KSR2: variants seen among roughly 807,000 people sequenced by gnomAD.
KSR2 encodes the protein kinase suppressor of ras 2.
In KSR2, 25 loss-of-function variants were observed where a neutral mutation model predicts 107.8. That is an observed-to-expected ratio of 0.23 (90% CI 0.17 to 0.32). KSR2 has a LOEUF of 0.32. KSR2 is among the 10% of genes least tolerant of loss of function. The probability of loss-of-function intolerance (pLI) is 1.00; values close to 1 mark genes in which losing one functional copy is unlikely to be tolerated. For missense variants in KSR2, 887 were observed against 1,268.9 expected, an observed-to-expected ratio of 0.70 and a Z score of 4.57; for synonymous variants, 480 against 507.0, an observed-to-expected ratio of 0.95 and a Z score of 0.71.
In KSR2 at chr12:117,966,859, G is replaced by A. The variant is rs139104211; in HGVS notation, c.180+1217C>T. Among the ~76,000 whole-genome samples, 327 of 152,180 alleles carry A rather than the reference G, an allele frequency of 2.1e-3. 10 individuals carry two copies. In the East Asian group the frequency reaches 0.056, roughly 26 times the overall value. ...GCCACAAGATTCACTACGGACTGAC[G>A]AGTTCAGGCCTTGGGAACTCATGTG... On this transcript the variant is annotated intron_variant, in intron 1 of 19. Coordinates refer to ENST00000339824, the MANE Select transcript of KSR2 (RefSeq NM_173598.6).
rs568966145 is a variant in KSR2 at position 117,622,921 on chromosome 12, A to G, written c.1172-40562T>C. Among the ~76,000 whole-genome samples the G allele has an allele frequency of 2.6e-5, 4 of 152,300 alleles. No homozygotes were observed. In the East Asian group the frequency reaches 7.7e-4, roughly 29 times the overall value. On this transcript the variant is annotated intron_variant, in intron 5 of 19. Transcript: ENST00000339824. Reference sequence around the variant, plus strand: ...ATTGTTGGGTCTGGGAGAAAGACAAATAGCCCTAAAATTATAGCATATTGA... The same window carrying G: ...ATTGTTGGGTCTGGGAGAAAGACAAGTAGCCCTAAAATTATAGCATATTGA...
At chr12:117,524,229 A>AT (rs1874956207) in intron 14 of KSR2, among the ~76,000 whole-genome samples, 1 of 152,210 alleles carries the variant, frequency 6.6e-6, no homozygotes, top group Non-Finnish European at 1.5e-5. Context: ...ATTTAGTTGA[A>AT]TATACTCATT....
intron 17 of KSR2, among the ~76,000 whole-genome samples, chr12:117,474,353 C>T (rs1251454869): frequency 6.6e-6 from 1 of 152,052 alleles, no homozygotes; most frequent in Non-Finnish European, 1.5e-5. Context: ...ATAATCAGGC[C>T]AACTGACATC....
At chr12:117,946,888 G>A (rs1896194640) in intron 1 of KSR2, among the ~76,000 whole-genome samples, 1 of 152,042 alleles carries the variant, frequency 6.6e-6, no homozygotes, top group South Asian at 2.1e-4. Context: ...AAATGGGCCA[G>A]GTGCAGTGGC....
intron 14 of KSR2, among the ~76,000 whole-genome samples, chr12:117,486,453 A>G (rs1031834463): frequency 6.6e-6 from 1 of 152,200 alleles, no homozygotes; most frequent in Non-Finnish European, 1.5e-5. Context: ...TGAATTCTAG[A>G]TTCATCATAG....
intron 4 of KSR2, among the ~76,000 whole-genome samples, chr12:117,740,781 A>G (rs1888191688): frequency 6.6e-6 from 1 of 151,780 alleles, no homozygotes; most frequent in East Asian, 1.9e-4. Flanking sequence ...ATAAACATAC[A>G]TGTGCAAGTA....
chr12:117,833,516 C>T (rs1326745331), intron 3 of KSR2, among the ~76,000 whole-genome samples: 1 of 152,124 alleles, frequency 6.6e-6, no homozygotes, highest in Non-Finnish European at 1.5e-5. Flanking sequence ...GCACACACGA[C>T]CAAGCCCAGC....
intron 3 of KSR2, among the ~76,000 whole-genome samples, chr12:117,812,687 T>C (rs1351215244): frequency 3.3e-5 from 5 of 152,036 alleles, no homozygotes; most frequent in Admixed American, 2.0e-4. Flanking sequence ...CCCATGTTCA[T>C]AGAATGGAAA....
chr12:117,910,657 A>G (rs950754608), intron 1 of KSR2, among the ~76,000 whole-genome samples: 1 of 152,228 alleles, frequency 6.6e-6, no homozygotes, highest in Admixed American at 6.5e-5. Flanking sequence ...TTGGAATAGC[A>G]GGGCCAGGCA....
intron 5 of KSR2, among the ~76,000 whole-genome samples, chr12:117,587,841 T>TG (rs1350931145): frequency 3.3e-5 from 5 of 152,204 alleles, no homozygotes; most frequent in African/African-American, 4.8e-5. Flanking sequence ...GACGCTGTGC[T>TG]GGGCAGTATG....
chr12:117,548,012 G>A (rs868256606), intron 9 of KSR2, among the ~76,000 whole-genome samples: 6 of 152,084 alleles, frequency 3.9e-5, no homozygotes, highest in East Asian at 1.9e-4. Flanking sequence ...CAGGAGAATC[G>A]CTTGAACCCG....
At chr12:117,935,391 C>G (rs532250741) in intron 1 of KSR2, among the ~76,000 whole-genome samples, 3 of 152,292 alleles carry the variant, frequency 2.0e-5, no homozygotes, top group Non-Finnish European at 2.9e-5. Flanking sequence ...AAACTGAAGT[C>G]AGATCCCACT....
intron 1 of KSR2, among the ~76,000 whole-genome samples, chr12:117,864,521 C>T (rs1893411337): frequency 6.6e-6 from 1 of 152,196 alleles, no homozygotes; most frequent in African/African-American, 2.4e-5. Context: ...TTCTGGGCTA[C>T]ATTAGTTTAC....
At chr12:117,665,193 G>T (rs1433185065) in intron 5 of KSR2, among the ~76,000 whole-genome samples, 1 of 151,998 alleles carries the variant, frequency 6.6e-6, no homozygotes, top group African/African-American at 2.4e-5. Flanking sequence ...CTTACTGCTG[G>T]GAGCCACCTT....
chr12:117,968,313 G>GGA lies in KSR2; in HGVS notation c.-59_-58insTC. ...CCTCCCAGAGAGAAAAAAGAGGGGG[G>GGA]GGAGTAGAGGTAGTCTACCCTCCGC... On this transcript the variant is annotated 5_prime_UTR_variant, in exon 1 of 20. Coordinates refer to ENST00000339824, the MANE Select transcript of KSR2 (RefSeq NM_173598.6). 1 of 1,452,834 alleles carries GGA rather than the reference G, an allele frequency of 6.9e-7. No individual in the cohort carries two copies. The highest frequency in any genetic ancestry group is 9.0e-7 in the Non-Finnish European group (1 of 1,110,908). 90.0% of individuals were successfully genotyped at this position (1,452,834 alleles called of 1,614,324 possible).
At chr12:117,615,749 G>A (rs1480608624) in intron 5 of KSR2, among the ~76,000 whole-genome samples, 2 of 152,180 alleles carry the variant, frequency 1.3e-5, no homozygotes, top group African/African-American at 2.4e-5. Context: ...CTGGATATGA[G>A]GGACACTTAT....
intron 5 of KSR2, among the ~76,000 whole-genome samples, chr12:117,651,676 T>C (rs1224189932): frequency 1.3e-5 from 2 of 152,162 alleles, no homozygotes; most frequent in African/African-American, 4.8e-5. Flanking sequence ...TCTCCCTTGG[T>C]TTAATGTAGA....
intron 1 of KSR2, among the ~76,000 whole-genome samples, chr12:117,947,978 G>A (rs1157606226): frequency 1.3e-5 from 2 of 152,084 alleles, no homozygotes; most frequent in Non-Finnish European, 2.9e-5. Flanking sequence ...CAGATTTAAT[G>A]TAGTGGCAAT....
At chr12:117,669,964 T>A (rs1884835772) in intron 4 of KSR2, among the ~76,000 whole-genome samples, 4 of 144,900 alleles carry the variant, frequency 2.8e-5, no homozygotes. Context: ...TAAAAAAAAA[T>A]AGGGTATTTA....
Sources: allele counts gnomAD v4.1 joint callset (sites outside exome capture counted in the v4.1 genomes callset), GRCh38; gene constraint gnomAD v4.1.1; transcripts MANE v1.5; gene names NCBI Gene and HGNC (gene_info 2026-07-23, HGNC 2026-07-21).